ERC1: variants seen among roughly 807,000 people sequenced by gnomAD.
The protein encoded by ERC1 is ELKS/RAB6-interacting/CAST family member 1.
Under a neutral mutation model 132.0 loss-of-function variants are expected in ERC1, and 56 were observed. That is an observed-to-expected ratio of 0.42 (90% CI 0.34 to 0.53). The LOEUF (loss-of-function observed/expected upper bound fraction) is 0.53. ERC1 is among the 20% of genes least tolerant of loss of function. The probability of loss-of-function intolerance (pLI) is 0.03; values close to 1 mark genes in which losing one functional copy is unlikely to be tolerated. For missense variants in ERC1, 1,202 were observed against 1,349.9 expected (o/e 0.89, Z 1.72); for synonymous variants, 478 against 476.1 (o/e 1.00, Z -0.05).
At chr12:1,066,933 GA>G (rs1287076214) in intron 2 of ERC1, among the ~76,000 whole-genome samples, 1 of 151,644 alleles carries the variant, frequency 6.6e-6, no homozygotes. Flanking sequence ...TTTTGTAGTT[GA>G]AAATATGGAA....
intron 2 of ERC1, among the ~76,000 whole-genome samples, chr12:1,068,455 CA>C (rs1939694209): frequency 6.6e-6 from 1 of 151,008 alleles, no homozygotes; most frequent in African/African-American, 2.4e-5. Context: ...TTATTACATA[CA>C]AAAATAATTA....
chr12:1,017,828 T>C (rs190893542), intron 1 of ERC1, among the ~76,000 whole-genome samples: 2 of 151,918 alleles, frequency 1.3e-5, no homozygotes, highest in Non-Finnish European at 2.9e-5. Context: ...ACTCAAAATA[T>C]AGGGTACAAA....
At chr12:1,454,461 T>G (rs1435948379) in intron 18 of ERC1, among the ~76,000 whole-genome samples, 2 of 152,150 alleles carry the variant, frequency 1.3e-5, no homozygotes, top group East Asian at 3.9e-4. Flanking sequence ...GTGATTGGCA[T>G]CTGAAGCTGG....
chr12:1,267,250 C>G (rs1401788281), intron 14 of ERC1, among the ~76,000 whole-genome samples: 1 of 152,210 alleles, frequency 6.6e-6, no homozygotes. Context: ...TTTGCTTTGT[C>G]CCTTTCCACG....
At chr12:1,018,853 C>G (rs1965910817) in intron 1 of ERC1, among the ~76,000 whole-genome samples, 1 of 152,110 alleles carries the variant, frequency 6.6e-6, no homozygotes, top group Non-Finnish European at 1.5e-5. Context: ...CCCTGGTTAC[C>G]TCAGAGGAGC....
chr12:1,041,213 T>G (rs1970164323), intron 2 of ERC1, among the ~76,000 whole-genome samples: 1 of 151,302 alleles, frequency 6.6e-6, no homozygotes, highest in Non-Finnish European at 1.5e-5. Flanking sequence ...CTCTTTCTTT[T>G]TTTTTTTTTT....
intron 14 of ERC1, among the ~76,000 whole-genome samples, chr12:1,267,791 C>T (rs1359661278): frequency 6.6e-6 from 1 of 152,042 alleles, no homozygotes; most frequent in Admixed American, 6.6e-5. Context: ...AACATATTTG[C>T]ACATATGAAT....
chr12:1,024,045 A>G (rs1029399021), intron 1 of ERC1, among the ~76,000 whole-genome samples: 3 of 152,126 alleles, frequency 2.0e-5, no homozygotes, highest in African/African-American at 7.2e-5. Flanking sequence ...TTTCTCTCTT[A>G]TGTAGGAGAT....
Position 1,487,955 on chromosome 12 carries a change from G to T in ERC1, c.3214-2138G>T, listed in dbSNP as rs1392742248. 2.0e-5 allele frequency among the ~76,000 whole-genome samples: 3 copies of T among 151,566 alleles called. No individual in the cohort carries two copies. The South Asian group carries it at 6.3e-4, about 32-fold the overall frequency. ...AGATCTAGACCATTCTGGCTAACAC[G>T]GTGAAGCCCTGTCTCTACTAAAAAT... On this transcript the variant is annotated intron_variant, in intron 18 of 18. Transcript: ENST00000360905.
intron 12 of ERC1, among the ~76,000 whole-genome samples, chr12:1,228,306 A>G (rs1474963142): frequency 1.7e-5 from 1 of 59,612 alleles, no homozygotes; most frequent in Non-Finnish European, 3.2e-5. Flanking sequence ...ATCTTTTTCA[A>G]TTCCTTTGTC....
intron 15 of ERC1, among the ~76,000 whole-genome samples, chr12:1,341,193 A>G (rs1393638978): frequency 8.9e-6 from 1 of 112,844 alleles, no homozygotes; most frequent in Non-Finnish European, 2.2e-5. Context: ...TCCTGGGTTC[A>G]AGCAGTTCTC....
chr12:1,011,684 A>G (rs772672026), intron 1 of ERC1, among the ~76,000 whole-genome samples: 3 of 152,176 alleles, frequency 2.0e-5, no homozygotes, highest in Non-Finnish European at 2.9e-5. Context: ...CTGTAATCCT[A>G]GCAGTTTGGA....
chr12:1,093,957 C>CTATATATATATATA (rs202076174), intron 3 of ERC1, among the ~76,000 whole-genome samples: 2,398 of 68,694 alleles, frequency 0.035, 214 homozygotes, highest in South Asian at 0.043. Flanking sequence ...ATATATTTTT[C>CTATATATATATATA]TATATATATA....
intron 15 of ERC1, among the ~76,000 whole-genome samples, chr12:1,305,297 A>C (rs562596760): frequency 6.6e-6 from 1 of 152,210 alleles, no homozygotes; most frequent in Non-Finnish European, 1.5e-5. Context: ...CTAATGAGTA[A>C]TTCTTTTCCT....
intron 16 of ERC1, among the ~76,000 whole-genome samples, chr12:1,400,908 A>G (rs1173368054): frequency 2.3e-5 from 1 of 43,400 alleles, no homozygotes; most frequent in Admixed American, 2.6e-4. Flanking sequence ...TGTTTTGGCT[A>G]TTTTTGTATT....
intron 15 of ERC1, among the ~76,000 whole-genome samples, chr12:1,322,923 A>G (rs2082206398): frequency 6.6e-6 from 1 of 152,076 alleles, no homozygotes. Flanking sequence ...AGTTTTGTTG[A>G]TTAAAGATTA....
At chr12:1,008,018 A>C (rs1964024395) in intron 1 of ERC1, among the ~76,000 whole-genome samples, 1 of 152,204 alleles carries the variant, frequency 6.6e-6, no homozygotes, top group African/African-American at 2.4e-5. Flanking sequence ...TCCCCGCCAG[A>C]GGAGAGTCAG....
chr12:1,321,562 T>C (rs1234528672), intron 15 of ERC1, among the ~76,000 whole-genome samples: 5 of 152,204 alleles, frequency 3.3e-5, no homozygotes, highest in Non-Finnish European at 7.4e-5. Context: ...TCCTAGAAAC[T>C]CGAGACCTCT....
At chr12:1,144,614 G>GTATGTATATATATATA (rs1555268147) in intron 8 of ERC1, among the ~76,000 whole-genome samples, 1 of 132,300 alleles carries the variant, frequency 7.6e-6, no homozygotes, top group African/African-American at 3.1e-5. Context: ...GAATTTTGTG[G>GTATGTATATATATATA]TATATATATA....
Sources: allele counts gnomAD v4.1 joint callset (sites outside exome capture counted in the v4.1 genomes callset), GRCh38; gene constraint gnomAD v4.1.1; transcripts MANE v1.5; gene names NCBI Gene and HGNC (gene_info 2026-07-23, HGNC 2026-07-21).